Variants in STPG1 observed in about 807,000 individuals in gnomAD.
The protein encoded by STPG1 is sperm tail PG-rich repeat containing 1, also known as O(6)-methylguanine-induced apoptosis 2.
In STPG1, 33 loss-of-function variants were observed where a neutral mutation model predicts 40.1. That is an observed-to-expected ratio of 0.82 (90% CI 0.62 to 1.10). The LOEUF (loss-of-function observed/expected upper bound fraction) is 1.10, where lower values mean the gene tolerates loss of function less well. STPG1 is among the 50% of genes least tolerant of loss of function. STPG1 has a pLI of 0.00. For missense variants in STPG1, 396 were observed against 415.1 expected, an observed-to-expected ratio of 0.95 and a Z score of 0.40; for synonymous variants, 150 against 155.0, an observed-to-expected ratio of 0.97 and a Z score of 0.24.
intron 7 of STPG1, chr1:24,364,260 T>C: frequency 6.5e-7 from 1 of 1,548,866 alleles, no homozygotes; most frequent in Non-Finnish European, 8.7e-7. Flanking sequence ...ATCCTGTGAC[T>C]CAAGTGAGGA....
At chr1:24,403,521 T>C (rs1345633663) in intron 1 of STPG1, among the ~76,000 whole-genome samples, 1 of 152,178 alleles carries the variant, frequency 6.6e-6, no homozygotes, top group Admixed American at 6.5e-5. Context: ...TTGATTGAGA[T>C]TGCATTGAAT....
At chr1:24,380,863 A>C (rs1212483800) in intron 4 of STPG1, among the ~76,000 whole-genome samples, 1 of 152,222 alleles carries the variant, frequency 6.6e-6, no homozygotes, top group African/African-American at 2.4e-5. Context: ...TTGAGTATCC[A>C]ACTCTGCCAA....
chr1:24,358,799 G>A (rs1640898078), intron 8 of STPG1, among the ~76,000 whole-genome samples, 180 bp from the exon 9 acceptor site: 1 of 152,182 alleles, frequency 6.6e-6, no homozygotes, highest in Non-Finnish European at 1.5e-5. Flanking sequence ...AACTGGCCCA[G>A]GGGAAGTCAA....
At chr1:24,388,799 G>A (rs1642625396) in intron 3 of STPG1, among the ~76,000 whole-genome samples, 1 of 152,102 alleles carries the variant, frequency 6.6e-6, no homozygotes, top group Admixed American at 6.5e-5. Flanking sequence ...ATTTCCCTCG[G>A]GAAAAATGAG....
At chr1:24,397,278 A>C (rs544094) in intron 2 of STPG1, among the ~76,000 whole-genome samples, 34,309 of 152,166 alleles carry the variant, frequency 0.23, 3,988 homozygotes, top group East Asian at 0.29. Context: ...TTAAACAAGT[A>C]GATAGATCAG....
chr1:24,386,222 C>G (rs1357875378), intron 3 of STPG1, among the ~76,000 whole-genome samples: 3 of 152,236 alleles, frequency 2.0e-5, no homozygotes, highest in Admixed American at 2.0e-4. Flanking sequence ...TCTAATTTAA[C>G]TGGACATCTC....
intron 2 of STPG1, among the ~76,000 whole-genome samples, chr1:24,396,600 A>G (rs892324256): frequency 2.6e-5 from 4 of 152,222 alleles, no homozygotes; most frequent in Non-Finnish European, 5.9e-5. Context: ...TGTTCCAATA[A>G]AACTTTATTA....
chr1:24,392,163 G>A (rs761844341), intron 2 of STPG1: 64 of 777,256 alleles, frequency 8.2e-5, no homozygotes, highest in Middle Eastern at 6.4e-4. Flanking sequence ...CACTGTGCAA[G>A]ACAGGTGTAA....
At chr1:24,373,086 A>G (rs1468332805) in intron 6 of STPG1, among the ~76,000 whole-genome samples, 1 of 152,104 alleles carries the variant, frequency 6.6e-6, no homozygotes, top group Non-Finnish European at 1.5e-5. Context: ...TGTGTCTGCC[A>G]TTTACTGGCT....
In STPG1 at chr1:24,373,718, A is replaced by G. The variant is rs1641862140; in HGVS notation, c.555T>C (p.Asp185=). The change falls in exon 6 of 9, where the codon GAT becomes GAC. Residue 185 remains aspartate, a synonymous_variant. Transcript: ENST00000337248. ...KTQRGSFAFA[D]KGPPPGHYDI... ...GCTGCTTACCTGGGGGAGGTCCTTT[A>G]TCAGCAAAAGCGAAAGATCCTCTTT... The G allele has an allele frequency of 1.2e-6, 2 of 1,611,230 alleles. No individual in the cohort carries two copies. Among genetic ancestry groups the G allele is most frequent in the Admixed American group, 1.7e-5 (1 of 59,990 alleles).
chr1:24,389,473 A>G (rs1308370650), intron 3 of STPG1, among the ~76,000 whole-genome samples: 3 of 152,190 alleles, frequency 2.0e-5, no homozygotes, highest in Non-Finnish European at 4.4e-5. Flanking sequence ...TTCTTTCAAC[A>G]TTGATTCAGC....
At chr1:24,398,614 G>A (rs539940564) in intron 2 of STPG1, among the ~76,000 whole-genome samples, 2 of 152,026 alleles carry the variant, frequency 1.3e-5, no homozygotes, top group Non-Finnish European at 2.9e-5. Context: ...ATAATCTGTG[G>A]ACACCCTATA....
In STPG1 at chr1:24,358,457, G is replaced by A. The variant is rs759591528; in HGVS notation, c.*86C>T. ...CCAAGTTGTCAGCTGCCACACTCATGATCGGTCTCCTCCTGAGGAATGTCC... is the reference window on the plus strand; with the variant it reads ...CCAAGTTGTCAGCTGCCACACTCATAATCGGTCTCCTCCTGAGGAATGTCC... On this transcript the variant is annotated 3_prime_UTR_variant, in exon 9 of 9. Coordinates refer to ENST00000337248, the MANE Select transcript of STPG1 (RefSeq NM_001199013.2). 2.6e-6 allele frequency: 3 copies of A among 1,168,396 alleles called. No homozygotes were observed. Among genetic ancestry groups the A allele is most frequent in the East Asian group, 2.3e-5 (1 of 42,838 alleles). The allele number at this position is 1,168,396 out of a possible 1,614,324, so 72.4% of individuals were successfully genotyped here.
chr1:24,394,459 G>T (rs1356174314), intron 2 of STPG1, among the ~76,000 whole-genome samples: 1 of 152,102 alleles, frequency 6.6e-6, no homozygotes, highest in East Asian at 1.9e-4. Context: ...TTAATAGGAG[G>T]AAGAAGGAAA....
At chr1:24,367,892 T>C (rs907982340) in intron 7 of STPG1, among the ~76,000 whole-genome samples, 3 of 152,186 alleles carry the variant, frequency 2.0e-5, no homozygotes, top group Non-Finnish European at 4.4e-5. Context: ...CTCTACTTAA[T>C]AACATAAAAC....
At chr1:24,386,834 C>A (rs1039374910) in intron 3 of STPG1, among the ~76,000 whole-genome samples, 1 of 152,150 alleles carries the variant, frequency 6.6e-6, no homozygotes, top group African/African-American at 2.4e-5. Flanking sequence ...ACCAAATAAA[C>A]AAACAAAACA....
intron 2 of STPG1, among the ~76,000 whole-genome samples, chr1:24,393,621 A>G (rs920122763): frequency 6.6e-6 from 1 of 152,222 alleles, no homozygotes; most frequent in African/African-American, 2.4e-5. Context: ...ACAGAAATGC[A>G]TGTGTCAGAG....
At chr1:24,385,589 T>C (rs950994075) in intron 3 of STPG1, among the ~76,000 whole-genome samples, 5 of 152,212 alleles carry the variant, frequency 3.3e-5, no homozygotes, top group African/African-American at 4.8e-5. Flanking sequence ...ACATGTACTA[T>C]TAGCTCACTT....
At chr1:24,366,379 C>T (rs1641468268) in intron 7 of STPG1, among the ~76,000 whole-genome samples, 1 of 152,172 alleles carries the variant, frequency 6.6e-6, no homozygotes, top group Non-Finnish European at 1.5e-5. Context: ...TCTCTTCCCT[C>T]CAGGGACACA....
Sources: gnomAD v4.1 joint callset for allele counts (sites outside exome capture counted in the v4.1 genomes callset) on GRCh38, gnomAD v4.1.1 for gene constraint, MANE v1.5 for transcripts, NCBI Gene and HGNC (gene_info 2026-07-23, HGNC 2026-07-21) for gene names.